SYT16: variants seen among roughly 807,000 people sequenced by gnomAD.
The protein encoded by SYT16 is synaptotagmin-16.
In SYT16, 42 loss-of-function variants were observed where a neutral mutation model predicts 61.4. The observed-to-expected ratio is 0.68, with a 90% confidence interval of 0.53 to 0.89. The LOEUF is 0.89. SYT16 is among the 40% of genes least tolerant of loss of function. The pLI is 0.00. For missense variants in SYT16, 804 were observed against 807.3 expected, an observed-to-expected ratio of 1.00 and a Z score of 0.05; for synonymous variants, 314 against 302.3, an observed-to-expected ratio of 1.04 and a Z score of -0.40.
chr14:61,846,661 T>G (rs1450674740), intron 1 of SYT16, among the ~76,000 whole-genome samples: 2 of 152,148 alleles, frequency 1.3e-5, no homozygotes, highest in East Asian at 3.8e-4. Flanking sequence ...TTGCATTCAG[T>G]GTTACCATTG....
At chr14:61,888,111 ATTTCT>A (rs1443191730) in intron 1 of SYT16, among the ~76,000 whole-genome samples, 2 of 147,600 alleles carry the variant, frequency 1.4e-5, no homozygotes, top group Middle Eastern at 3.6e-3. Flanking sequence ...AATTGGCCTA[ATTTCT>A]TTTCTTTTCT....
chr14:62,086,692 T>C (rs924141693), intron 7 of SYT16, among the ~76,000 whole-genome samples: 15 of 152,224 alleles, frequency 9.9e-5, no homozygotes, highest in African/African-American at 3.6e-4. Flanking sequence ...ATGAAATTCC[T>C]GTAACAAATA....
chr14:61,961,825 A>G (rs1474760533), intron 1 of SYT16, among the ~76,000 whole-genome samples: 3 of 152,222 alleles, frequency 2.0e-5, no homozygotes, highest in African/African-American at 7.2e-5. Flanking sequence ...GCATATGTTC[A>G]TTGCAGCACC....
chr14:61,832,452 C>T (rs747305076), intron 1 of SYT16: 164 of 418,100 alleles, frequency 3.9e-4, no homozygotes, highest in Non-Finnish European at 7.2e-4. Context: ...TTTTTCTTTT[C>T]CGAGACGGAG....
At chr14:61,873,770 A>G (rs1180860932) in intron 1 of SYT16, among the ~76,000 whole-genome samples, 2 of 152,172 alleles carry the variant, frequency 1.3e-5, no homozygotes, top group African/African-American at 4.8e-5. Context: ...TAAAAAACAG[A>G]ACTACATGTT....
At chr14:61,878,578 T>A (rs2047586228) in intron 1 of SYT16, among the ~76,000 whole-genome samples, 1 of 152,210 alleles carries the variant, frequency 6.6e-6, no homozygotes. Context: ...GCTTGCCAAA[T>A]CTGAGGGACT....
intron 1 of SYT16, among the ~76,000 whole-genome samples, chr14:61,929,249 C>T (rs146641017): frequency 5.9e-4 from 90 of 152,314 alleles, no homozygotes; most frequent in African/African-American, 1.9e-3. Context: ...ACTAACCCCT[C>T]AGGTTTGGCC....
chr14:62,072,949 C>T lies in SYT16; in HGVS notation c.737-2186C>T, dbSNP rs937119459. Among the ~76,000 whole-genome samples the T allele has an allele frequency of 5.3e-5, 8 of 152,102 alleles. No homozygotes were observed. In the South Asian group the frequency reaches 8.3e-4, roughly 16 times the overall value. ...CTATAATTTCTAAGAAGCCAGGATA[C>T]GTTTCTCTGACAACAGGCAATTACT... On this transcript the variant is annotated intron_variant, in intron 4 of 7. Coordinates refer to ENST00000683842, the MANE Select transcript of SYT16 (RefSeq NM_001367656.1).
chr14:61,864,754 G>GA (rs1364628103), intron 1 of SYT16: 1 of 969,484 alleles, frequency 1.0e-6, no homozygotes, highest in African/African-American at 1.6e-5. Context: ...CCTGGTTAAT[G>GA]ACGCATGTGG....
intron 1 of SYT16, among the ~76,000 whole-genome samples, chr14:61,829,425 T>A (rs988769811): frequency 1.3e-5 from 2 of 152,182 alleles, no homozygotes; most frequent in Non-Finnish European, 2.9e-5. Context: ...TTAGTTAGGT[T>A]TTTCAATCTC....
At chr14:62,095,449 A>G (rs10498492) in intron 7 of SYT16, among the ~76,000 whole-genome samples, 30,328 of 151,930 alleles carry the variant, frequency 0.2, 3,162 homozygotes, top group East Asian at 0.32. Context: ...GTTATAATAC[A>G]TCAGCAACAA....
chr14:61,945,683 G>A lies in SYT16; in HGVS notation c.-324-24449G>A, dbSNP rs560671163. 9.0e-4 allele frequency among the ~76,000 whole-genome samples: 136 copies of A among 151,708 alleles called. 1 individual carries two copies. The highest frequency in any genetic ancestry group is 3.4e-3 in the Middle Eastern group (1 of 292). On this transcript the variant is annotated intron_variant, in intron 1 of 7. Coordinates refer to ENST00000683842, the MANE Select transcript of SYT16 (RefSeq NM_001367656.1). ...ATCCTGGCTAACACAGTGAAACCCC[G>A]TCTCTACTAAAAAATACAAAAAATT...
chr14:61,858,690 C>T (rs1402723039), intron 1 of SYT16, among the ~76,000 whole-genome samples: 1 of 152,064 alleles, frequency 6.6e-6, no homozygotes, highest in Non-Finnish European at 1.5e-5. Context: ...CGTGTCCTTC[C>T]ATAAGTTTCT....
chr14:61,818,042 T>C (rs531196994), intron 1 of SYT16, among the ~76,000 whole-genome samples: 1 of 152,376 alleles, frequency 6.6e-6, no homozygotes, highest in East Asian at 1.9e-4. Context: ...CTAGGCTTTA[T>C]GGTCTAATAC....
intron 1 of SYT16, among the ~76,000 whole-genome samples, chr14:61,890,717 T>C (rs2048093727): frequency 6.6e-6 from 1 of 152,062 alleles, no homozygotes; most frequent in Admixed American, 6.6e-5. Context: ...GTAAATACGT[T>C]AGTAAATAAG....
At chr14:62,085,948 C>G (rs903310953) in intron 7 of SYT16, among the ~76,000 whole-genome samples, 2 of 152,192 alleles carry the variant, frequency 1.3e-5, no homozygotes, top group Non-Finnish European at 2.9e-5. Context: ...TGCTGTCCTT[C>G]TGAGATCAGG....
At chr14:62,090,693 A>G (rs1036291986) in intron 7 of SYT16, among the ~76,000 whole-genome samples, 2 of 152,216 alleles carry the variant, frequency 1.3e-5, no homozygotes, top group Non-Finnish European at 1.5e-5. Context: ...AAGTTAAAAA[A>G]TATTAAAAGC....
chr14:62,044,407 G>C (rs1378441276), intron 3 of SYT16, among the ~76,000 whole-genome samples: 2 of 151,970 alleles, frequency 1.3e-5, no homozygotes, highest in African/African-American at 4.8e-5. Flanking sequence ...TAGGTTTTAA[G>C]CCCCGCATGC....
Position 61,996,109 on chromosome 14 carries a change from A to C in SYT16, c.90A>C (p.Gln30His). 6.2e-7 allele frequency: 1 copy of C among 1,613,226 alleles called. No homozygotes were observed. Among genetic ancestry groups the C allele is most frequent in the Non-Finnish European group, 8.5e-7 (1 of 1,179,444 alleles). The change falls in exon 3 of 8, where the codon CAA (glutamine) becomes CAC (histidine). Residue 30 changes from glutamine (Q) to histidine (H), a missense_variant. Transcript: ENST00000683842. ...WISRVYEALQQAGDMLSASLV... is the reference protein window; with the variant it reads ...WISRVYEALQHAGDMLSASLV... ...CTCGGGTTTATGAAGCTCTCCAGCA[A>C]GCAGGAGATATGTTATCTGCTTCGC...
Sources: allele counts gnomAD v4.1 joint callset (sites outside exome capture counted in the v4.1 genomes callset), GRCh38; gene constraint gnomAD v4.1.1; transcripts MANE v1.5; gene names NCBI Gene and HGNC (gene_info 2026-07-23, HGNC 2026-07-21).